Variants in TMCO4 observed in about 807,000 individuals in gnomAD.
TMCO4 encodes the protein transmembrane and coiled-coil domains 4, also known as transmembrane and coiled-coil domain-containing protein 4.
TMCO4 carries 58 observed loss-of-function variants against 64.7 expected under a neutral mutation model. That is an observed-to-expected ratio of 0.90 (90% confidence interval 0.73 to 1.12). TMCO4 has a LOEUF of 1.12. Ranked by LOEUF, TMCO4 falls within the 50% of genes most tolerant of loss-of-function variation. The pLI is 0.00. For missense variants in TMCO4, 780 were observed against 825.9 expected, an observed-to-expected ratio of 0.94 and a Z score of 0.68; for synonymous variants, 325 against 346.1, an observed-to-expected ratio of 0.94 and a Z score of 0.68.
intron 3 of TMCO4, among the ~76,000 whole-genome samples, chr1:19,782,739 G>A (rs1018628176): frequency 6.6e-6 from 1 of 152,194 alleles, no homozygotes; most frequent in Non-Finnish European, 1.5e-5. Flanking sequence ...AACCCTGGGA[G>A]CCACCAGGAA....
intron 9 of TMCO4, 45 bp downstream of exon 9, chr1:19,746,411 C>G (rs773759421): frequency 6.8e-6 from 11 of 1,609,420 alleles, no homozygotes; most frequent in Middle Eastern, 1.7e-4. Context: ...CTGGGCCACC[C>G]TGGCTGAAAA....
intron 7 of TMCO4, among the ~76,000 whole-genome samples, chr1:19,755,306 A>G (rs2042196740): frequency 6.6e-6 from 1 of 152,080 alleles, no homozygotes; most frequent in Non-Finnish European, 1.5e-5. Flanking sequence ...TTGTATTTTT[A>G]GTAGAGATGG....
chr1:19,722,787 G>A (rs2095391169), intron 13 of TMCO4, among the ~76,000 whole-genome samples: 1 of 152,184 alleles, frequency 6.6e-6, no homozygotes, highest in Non-Finnish European at 1.5e-5. Flanking sequence ...GTGGTGGGAT[G>A]TCTGGCACAA....
At chr1:19,798,767 C>T (rs556819041) in intron 1 of TMCO4, among the ~76,000 whole-genome samples, 5 of 152,350 alleles carry the variant, frequency 3.3e-5, no homozygotes, top group Admixed American at 1.3e-4. Flanking sequence ...CTTTATTCCA[C>T]CCTCTGGAGT....
intron 15 of TMCO4, among the ~76,000 whole-genome samples, chr1:19,685,710 C>CTTTTGTTTTTTTTTTT (rs2095142412): frequency 9.4e-6 from 1 of 106,616 alleles, no homozygotes; most frequent in African/African-American, 3.2e-5. Flanking sequence ...AGGCCTGTTT[C>CTTTTGTTTTTTTTTTT]TTTTTTTTTT....
chr1:19,715,721 G>A (rs1409912544), intron 13 of TMCO4, among the ~76,000 whole-genome samples: 2 of 152,232 alleles, frequency 1.3e-5, no homozygotes, highest in East Asian at 3.8e-4. Flanking sequence ...AGGGATGGCT[G>A]CAGAAATGGC....
intron 6 of TMCO4, among the ~76,000 whole-genome samples, chr1:19,756,240 C>A (rs2042251079): frequency 6.6e-6 from 1 of 152,016 alleles, no homozygotes; most frequent in Non-Finnish European, 1.5e-5. Flanking sequence ...CAGAGTGAGA[C>A]CCTGTCTCAA....
At chr1:19,683,960 C>T (rs965140387) in intron 15 of TMCO4, among the ~76,000 whole-genome samples, 1 of 150,216 alleles carries the variant, frequency 6.7e-6, no homozygotes, top group African/African-American at 2.5e-5. Context: ...AGGGGTTTCA[C>T]CATATTGGCC....
At chr1:19,771,832 A>G (rs2042998283) in intron 4 of TMCO4, among the ~76,000 whole-genome samples, 1 of 151,810 alleles carries the variant, frequency 6.6e-6, no homozygotes, top group African/African-American at 2.4e-5. Context: ...ATTTTTTTGT[A>G]TTTTTAGTAG....
At chr1:19,708,240 G>A (rs527380810) in intron 13 of TMCO4, among the ~76,000 whole-genome samples, 1 of 149,616 alleles carries the variant, frequency 6.7e-6, no homozygotes, top group Admixed American at 6.7e-5. Context: ...AAGTTCAAAG[G>A]TCAAAGACCC....
chr1:19,703,522 CTTCTTTTCTTTTCTTTCT>C (rs2095285748), intron 13 of TMCO4, among the ~76,000 whole-genome samples: 1 of 149,848 alleles, frequency 6.7e-6, no homozygotes, highest in African/African-American at 2.5e-5. Context: ...TCCCTCCCTC[CTTCTTTTCTTTTCTTTCT>C]TTTTCTTTTC....
chr1:19,754,048 G>A (rs889052397), intron 7 of TMCO4, among the ~76,000 whole-genome samples: 6 of 152,212 alleles, frequency 3.9e-5, no homozygotes, highest in South Asian at 2.1e-4. Flanking sequence ...TGAGGAGGGC[G>A]CTACTATTAT....
At chr1:19,769,985 G>T (rs78998716) in intron 6 of TMCO4, among the ~76,000 whole-genome samples, 17,803 of 152,244 alleles carry the variant, frequency 0.12, 1,131 homozygotes, top group Non-Finnish European at 0.13. Flanking sequence ...AAAGCCCCAC[G>T]GCAAGGGGAC....
chr1:19,765,613 T>C (rs2042701801), intron 6 of TMCO4, among the ~76,000 whole-genome samples: 2 of 152,096 alleles, frequency 1.3e-5, no homozygotes, highest in South Asian at 2.1e-4. Context: ...TTGAGAGTTA[T>C]CAGCTCAGAT....
intron 14 of TMCO4, among the ~76,000 whole-genome samples, chr1:19,696,314 C>G (rs2095236599): frequency 6.6e-6 from 1 of 152,148 alleles, no homozygotes; most frequent in East Asian, 1.9e-4. Context: ...TTTTGGGAGG[C>G]TGAGGTGGGA....
intron 13 of TMCO4, among the ~76,000 whole-genome samples, chr1:19,715,065 G>A (rs746538034): frequency 6.6e-6 from 1 of 151,998 alleles, no homozygotes; most frequent in Non-Finnish European, 1.5e-5. Flanking sequence ...AATGTAGGAA[G>A]TCCCCACCTC....
intron 13 of TMCO4, among the ~76,000 whole-genome samples, chr1:19,728,352 G>T (rs2095417051): frequency 6.6e-6 from 1 of 152,226 alleles, no homozygotes; most frequent in Non-Finnish European, 1.5e-5. Context: ...GGTTGTGAGG[G>T]TGGAAGAGAA....
intron 4 of TMCO4, among the ~76,000 whole-genome samples, chr1:19,776,332 A>T (rs1159867871): frequency 6.6e-6 from 1 of 152,242 alleles, no homozygotes; most frequent in African/African-American, 2.4e-5. Flanking sequence ...GCTTATGGCC[A>T]GGCAACAGCC....
rs1327487019 is a variant in TMCO4 at position 19,734,776 on chromosome 1, C to T, written c.1264+2596G>A. On this transcript the variant is annotated intron_variant, in intron 13 of 15. Coordinates refer to ENST00000294543, the MANE Select transcript of TMCO4 (RefSeq NM_181719.7). This position sits in a 1 kb window ranked among gnomAD's most constrained non-coding sequence, Gnocchi z 4.4. The stretch of plus-strand genomic sequence containing the variant: ...GGAGTGAGGGCTCCAGGGCCAGACT[C>T]CCTGGGCCTGAATCCTGGCTCTGGC... 6.6e-6 allele frequency among the ~76,000 whole-genome samples: 1 copy of T among 152,146 alleles called. No individual in the cohort carries two copies. The highest frequency in any genetic ancestry group is 6.5e-5 in the Admixed American group (1 of 15,284).
Sources: gnomAD v4.1 joint callset for allele counts (sites outside exome capture counted in the v4.1 genomes callset) on GRCh38, gnomAD v4.1.1 for gene constraint, Gnocchi (gnomAD v3.1) non-coding constraint, MANE v1.5 for transcripts, NCBI Gene and HGNC (gene_info 2026-07-23, HGNC 2026-07-21) for gene names.